DNAJC11: variants seen among roughly 807,000 people sequenced by gnomAD.
The protein encoded by DNAJC11 is dnaJ homolog subfamily C member 11.
In DNAJC11, 15 loss-of-function variants were observed where a neutral mutation model predicts 78.6. The ratio of observed to expected loss-of-function variants is 0.19; its 90% CI spans 0.13 to 0.29. The LOEUF is 0.29. DNAJC11 is among the 10% of genes least tolerant of loss of function. The pLI is 1.00. For synonymous variants in DNAJC11, 292 were observed against 272.1 expected, an observed-to-expected ratio of 1.07 and a Z score of -0.72; for missense variants, 547 against 709.6, an observed-to-expected ratio of 0.77 and a Z score of 2.60.
rs779377689 is a variant in DNAJC11, at chr1:6,644,602, T to C, written c.1053A>G (p.Ala351=). 2 of 1,614,220 alleles carry C rather than the reference T, an allele frequency of 1.2e-6. No individual in the cohort carries two copies. The highest frequency in any genetic ancestry group is 8.5e-7 in the Non-Finnish European group (1 of 1,180,044). The change falls in exon 10 of 16, where the codon GCA becomes GCG. Residue 351 remains alanine (A), a synonymous_variant. Transcript: ENST00000377577. ...CCTGTGGAACTCCAACGCTGACAGC[T>C]GCACCCAAAACGCTGTGCCTGGAGA... is the stretch of plus-strand genomic sequence containing the variant. ...RKISRHSVLG[A]AVSVGVPQGV...
chr1:6,678,311 A>G (rs913887790), intron 3 of DNAJC11, 83 bp downstream of exon 3: 1 of 1,299,608 alleles, frequency 7.7e-7, no homozygotes, highest in African/African-American at 1.5e-5. Flanking sequence ...CAAAGACAAT[A>G]TTACAGATTG....
intron 4 of DNAJC11, among the ~76,000 whole-genome samples, chr1:6,667,082 T>C (rs2148740685): frequency 6.6e-6 from 1 of 152,308 alleles, no homozygotes; most frequent in African/African-American, 2.4e-5. Context: ...ACACTTAGCA[T>C]TGAAAAGTAA....
intron 4 of DNAJC11, among the ~76,000 whole-genome samples, chr1:6,658,348 T>C (rs1642161953): frequency 6.6e-6 from 1 of 152,178 alleles, no homozygotes; most frequent in African/African-American, 2.4e-5. Flanking sequence ...GAAAAAGTGT[T>C]AAGAAAGGCT....
chr1:6,685,443 T>C (rs975213854), intron 1 of DNAJC11, among the ~76,000 whole-genome samples: 1 of 152,220 alleles, frequency 6.6e-6, no homozygotes, highest in Non-Finnish European at 1.5e-5. Flanking sequence ...AGGCAATCCT[T>C]CAAGATGGAT....
intron 1 of DNAJC11, among the ~76,000 whole-genome samples, chr1:6,690,735 T>C (rs912979816): frequency 6.6e-6 from 1 of 151,932 alleles, no homozygotes; most frequent in Non-Finnish European, 1.5e-5. Context: ...CCATCCTGGC[T>C]AACAGAGTGA....
chr1:6,663,998 A>G (rs1247944445), intron 4 of DNAJC11, among the ~76,000 whole-genome samples: 1 of 152,130 alleles, frequency 6.6e-6, no homozygotes, highest in African/African-American at 2.4e-5. Context: ...GCTGCCTCCC[A>G]TGGATGTGCC....
At chr1:6,638,202 A>T in intron 12 of DNAJC11, 93 bp downstream of exon 12, 1 of 1,271,646 alleles carries the variant, frequency 7.9e-7, no homozygotes, top group Non-Finnish European at 1.1e-6. Context: ...GTTGGAGAAG[A>T]GAAGTCTGAC....
intron 4 of DNAJC11, among the ~76,000 whole-genome samples, chr1:6,657,790 G>A (rs930600245): frequency 1.7e-4 from 26 of 152,104 alleles, no homozygotes; most frequent in African/African-American, 9.7e-5. Context: ...GACTACAGGC[G>A]CCTGCCACCA....
At chr1:6,657,881 G>A (rs1028890064) in intron 4 of DNAJC11, among the ~76,000 whole-genome samples, 4 of 152,174 alleles carry the variant, frequency 2.6e-5, no homozygotes, top group Non-Finnish European at 2.9e-5. Context: ...TCCTGACCTC[G>A]TGATCTGCCC....
intron 1 of DNAJC11, among the ~76,000 whole-genome samples, chr1:6,682,626 G>A (rs531694677): frequency 5.3e-5 from 8 of 152,184 alleles, no homozygotes; most frequent in Non-Finnish European, 1.2e-4. Context: ...ACTCGATTCT[G>A]CTATTCAGAA....
intron 7 of DNAJC11, among the ~76,000 whole-genome samples, chr1:6,648,799 T>C (rs1188177260): frequency 6.6e-6 from 1 of 152,122 alleles, no homozygotes; most frequent in Non-Finnish European, 1.5e-5. Flanking sequence ...CCAATCTAAG[T>C]AGACAGGGTC....
intron 1 of DNAJC11, among the ~76,000 whole-genome samples, chr1:6,684,582 TTAAG>T (rs758253801): frequency 6.6e-6 from 1 of 152,322 alleles, no homozygotes; most frequent in East Asian, 1.9e-4. Context: ...TAATATGCTA[TTAAG>T]TAATGTAAAT....
intron 7 of DNAJC11, among the ~76,000 whole-genome samples, chr1:6,648,647 A>G (rs1385944142): frequency 2.0e-5 from 3 of 151,886 alleles, no homozygotes; most frequent in African/African-American, 7.3e-5. Context: ...TGTAGAGTCA[A>G]GGTTTTGCCA....
At chr1:6,676,345 T>G (rs777827837) in intron 3 of DNAJC11, among the ~76,000 whole-genome samples, 7 of 152,130 alleles carry the variant, frequency 4.6e-5, no homozygotes, top group Non-Finnish European at 8.8e-5. Flanking sequence ...CTCCCAGGGT[T>G]GAAATGTTAG....
intron 1 of DNAJC11, among the ~76,000 whole-genome samples, chr1:6,692,609 A>ATT (rs35568963): frequency 0.42 from 53,591 of 127,322 alleles, 11,991 homozygotes; most frequent in South Asian, 0.5. Context: ...TGCTTCAGGA[A>ATT]TTTTTTTTTT....
chr1:6,692,994 C>A (rs1207440824), intron 1 of DNAJC11, among the ~76,000 whole-genome samples: 1 of 152,176 alleles, frequency 6.6e-6, no homozygotes, highest in Non-Finnish European at 1.5e-5. Flanking sequence ...CAACCTCCGC[C>A]TCCTGGGTTT....
chr1:6,673,365 T>C (rs945015250), intron 3 of DNAJC11, among the ~76,000 whole-genome samples: 4 of 151,584 alleles, frequency 2.6e-5, no homozygotes, highest in African/African-American at 9.7e-5. Flanking sequence ...CTAGGTGGCA[T>C]AATGGAAGGA....
chr1:6,646,001 T>A (rs1265397730), intron 7 of DNAJC11, 23 bp from the exon 8 acceptor site: 1 of 1,612,514 alleles, frequency 6.2e-7, no homozygotes, highest in Non-Finnish European at 8.5e-7. Context: ...AGAGACAGAA[T>A]AGGTCCTGGA....
At chr1:6,667,629 C>T in intron 4 of DNAJC11, 80 bp downstream of exon 4, 1 of 1,136,926 alleles carries the variant, frequency 8.8e-7, no homozygotes, top group Non-Finnish European at 1.3e-6. Context: ...AATCCACCAG[C>T]ACCTCATTAT....
Sources: allele counts gnomAD v4.1 joint callset (sites outside exome capture counted in the v4.1 genomes callset), GRCh38; gene constraint gnomAD v4.1.1; transcripts MANE v1.5; gene names NCBI Gene and HGNC (gene_info 2026-07-23, HGNC 2026-07-21).